The following SCHIP1 variants were observed in gnomAD, a reference collection of about 807,000 sequenced individuals.
SCHIP1 encodes the protein schwannomin interacting protein 1.
In SCHIP1, 8 loss-of-function variants were observed where a neutral mutation model predicts 29.7. The ratio of observed to expected loss-of-function variants is 0.27; its 90% confidence interval spans 0.16 to 0.49. The LOEUF (loss-of-function observed/expected upper bound fraction) is 0.49, where lower values mean the gene tolerates loss of function less well. Ranked by LOEUF, SCHIP1 falls within the 20% of genes least tolerant of loss-of-function variation. The pLI, the probability that SCHIP1 is intolerant of heterozygous loss-of-function variation, is 0.99. For synonymous variants in SCHIP1, 76 were observed against 94.9 expected (o/e 0.80, Z 1.16); for missense variants, 193 against 294.6 (o/e 0.66, Z 2.52).
the SCHIP1 span, among the ~76,000 whole-genome samples, chr3:159,740,216 A>G: frequency 6.6e-6 from 1 of 152,206 alleles, no homozygotes; most frequent in Admixed American, 6.5e-5. Flanking sequence ...TGAGGGGAGG[A>G]GCATCCTGTC....
At chr3:159,640,861 G>T in the SCHIP1 span, among the ~76,000 whole-genome samples, 1 of 152,250 alleles carries the variant, frequency 6.6e-6, no homozygotes, top group East Asian at 1.9e-4. Context: ...GAGCAAAAAT[G>T]CATATAAGGT....
At chr3:159,421,965 G>GA in the SCHIP1 span, among the ~76,000 whole-genome samples, 1 of 152,224 alleles carries the variant, frequency 6.6e-6, no homozygotes, top group East Asian at 1.9e-4. Context: ...TAAGTTAAGT[G>GA]AAAAAAACTT....
chr3:159,658,282 G>C, the SCHIP1 span, among the ~76,000 whole-genome samples: 35 of 152,256 alleles, frequency 2.3e-4, no homozygotes, highest in Non-Finnish European at 4.4e-4. Context: ...CAGTATCATG[G>C]AGTCACTTCC....
chr3:159,409,098 C>A, the SCHIP1 span, among the ~76,000 whole-genome samples: 2 of 151,982 alleles, frequency 1.3e-5, no homozygotes, highest in African/African-American at 4.8e-5. Context: ...CCCTTCATGA[C>A]AAAAACCCTC....
chr3:159,604,830 G>A, the SCHIP1 span, among the ~76,000 whole-genome samples: 1 of 152,118 alleles, frequency 6.6e-6, no homozygotes. Flanking sequence ...CATTTAAAAT[G>A]TTTCATGAAG....
the SCHIP1 span, among the ~76,000 whole-genome samples, chr3:159,772,689 G>C: frequency 6.6e-6 from 1 of 152,158 alleles, no homozygotes; most frequent in Non-Finnish European, 1.5e-5. Flanking sequence ...AGTAATTCCA[G>C]GTCCTTTCTT....
the SCHIP1 span, among the ~76,000 whole-genome samples, chr3:159,585,499 G>C: frequency 1.3e-3 from 193 of 152,294 alleles, no homozygotes; most frequent in African/African-American, 4.4e-3. Flanking sequence ...AAATGTTCAA[G>C]AATGATGTTG....
At chr3:159,890,082 G>A (rs1383589019) in intron 5 of SCHIP1, among the ~76,000 whole-genome samples, 2 of 149,696 alleles carry the variant, frequency 1.3e-5, no homozygotes, top group Non-Finnish European at 3.0e-5. Flanking sequence ...GTGACAGAGC[G>A]AGACACCATC....
the SCHIP1 span, among the ~76,000 whole-genome samples, chr3:159,496,764 CA>C: frequency 6.6e-6 from 1 of 152,100 alleles, no homozygotes; most frequent in African/African-American, 2.4e-5. Flanking sequence ...AGTATATACC[CA>C]AAGGACTATA....
At chr3:159,599,583 G>T in the SCHIP1 span, among the ~76,000 whole-genome samples, 1 of 152,082 alleles carries the variant, frequency 6.6e-6, no homozygotes, top group East Asian at 1.9e-4. Context: ...CCATTATTTT[G>T]TTCCTTTTTG....
chr3:159,557,050 C>T, the SCHIP1 span, among the ~76,000 whole-genome samples: 7 of 151,890 alleles, frequency 4.6e-5, no homozygotes, highest in South Asian at 2.1e-4. Flanking sequence ...CTCCGCCTCC[C>T]GGGTTCACGC....
the SCHIP1 span, among the ~76,000 whole-genome samples, chr3:159,390,775 G>A: frequency 6.6e-6 from 1 of 152,084 alleles, no homozygotes; most frequent in East Asian, 1.9e-4. Context: ...TGTTGAGGCA[G>A]AAGTGAAGGC....
the SCHIP1 span, among the ~76,000 whole-genome samples, chr3:159,557,962 G>A: frequency 2.0e-5 from 3 of 152,216 alleles, no homozygotes; most frequent in African/African-American, 4.8e-5. Context: ...GGTAAGATAC[G>A]AAGGCTGTTA....
At chr3:159,733,158 A>G in the SCHIP1 span, among the ~76,000 whole-genome samples, 1 of 152,180 alleles carries the variant, frequency 6.6e-6, no homozygotes, top group Admixed American at 6.5e-5. Context: ...TTCTTCCAGC[A>G]AAGGGCTGGA....
chr3:159,801,451 C>T, the SCHIP1 span, among the ~76,000 whole-genome samples: 1 of 152,120 alleles, frequency 6.6e-6, no homozygotes, highest in Non-Finnish European at 1.5e-5. Flanking sequence ...TTATCAGATA[C>T]TTTTTCCTGA....
the SCHIP1 span, among the ~76,000 whole-genome samples, chr3:159,535,969 G>T: frequency 6.6e-6 from 1 of 152,286 alleles, no homozygotes; most frequent in South Asian, 2.1e-4. Context: ...ATGCAGCATG[G>T]TAGCTATTAG....
At chr3:159,470,356 C>T in the SCHIP1 span, among the ~76,000 whole-genome samples, 3 of 151,694 alleles carry the variant, frequency 2.0e-5, no homozygotes, top group Non-Finnish European at 4.4e-5. Flanking sequence ...CACAGACAGT[C>T]AAAGGTATAA....
chr3:159,581,757 C>T, the SCHIP1 span, among the ~76,000 whole-genome samples: 1 of 152,196 alleles, frequency 6.6e-6, no homozygotes, highest in South Asian at 2.1e-4. Flanking sequence ...GATTTCAAAT[C>T]TACAGTAATC....
the SCHIP1 span, among the ~76,000 whole-genome samples, chr3:159,611,746 T>A: frequency 6.6e-6 from 1 of 152,110 alleles, no homozygotes; most frequent in African/African-American, 2.4e-5. Context: ...CCACTCTAAT[T>A]TTTTACATAT....
Sources: gnomAD v4.1 joint callset for allele counts (sites outside exome capture counted in the v4.1 genomes callset) on GRCh38, gnomAD v4.1.1 for gene constraint, MANE v1.5 for transcripts, NCBI Gene and HGNC (gene_info 2026-07-23, HGNC 2026-07-21) for gene names.